The following TESC variants were observed in gnomAD, a reference collection of about 807,000 sequenced individuals.
TESC encodes tescalcin.
A neutral mutation model predicts 31.0 loss-of-function variants in TESC; 19 were observed. That is an observed-to-expected ratio of 0.61 (90% CI 0.43 to 0.90). The LOEUF (loss-of-function observed/expected upper bound fraction) is 0.90, where lower values mean the gene tolerates loss of function less well. Ranked by LOEUF, TESC falls within the 40% of genes least tolerant of loss-of-function variation. The pLI, the probability that TESC is intolerant of heterozygous loss-of-function variation, is 0.00. For synonymous variants in TESC, 109 were observed against 114.8 expected (o/e 0.95, Z 0.32); for missense variants, 248 against 303.8 (o/e 0.82, Z 1.36).
intron 1 of TESC, among the ~76,000 whole-genome samples, chr12:117,088,928 G>C (rs1444133675): frequency 6.6e-6 from 1 of 152,208 alleles, no homozygotes; most frequent in Non-Finnish European, 1.5e-5. Flanking sequence ...TGTTAGAATG[G>C]TTTCAGGCTC....
chr12:117,078,055 C>T (rs1411943936), intron 1 of TESC, among the ~76,000 whole-genome samples: 1 of 152,120 alleles, frequency 6.6e-6, no homozygotes, highest in East Asian at 1.9e-4. Flanking sequence ...TTCCACTTGG[C>T]AGGAATGTAT....
At chr12:117,050,847 C>T (rs1207716160) in intron 3 of TESC, among the ~76,000 whole-genome samples, 5 of 152,166 alleles carry the variant, frequency 3.3e-5, no homozygotes, top group Non-Finnish European at 7.3e-5. Context: ...ATCACTTGAG[C>T]CCAGGAGGCC....
chr12:117,072,979 T>G (rs1954993953), intron 2 of TESC, among the ~76,000 whole-genome samples: 1 of 152,192 alleles, frequency 6.6e-6, no homozygotes, highest in Non-Finnish European at 1.5e-5. Flanking sequence ...GGTCTTGCTA[T>G]GTTGCCCAGG....
At chr12:117,074,064 A>G (rs959385031) in intron 2 of TESC, among the ~76,000 whole-genome samples, 2 of 152,260 alleles carry the variant, frequency 1.3e-5, no homozygotes, top group South Asian at 2.1e-4. Context: ...ATCTCTACAA[A>G]AACTTTAAAA....
At chr12:117,068,704 A>G (rs1474641432) in intron 2 of TESC, among the ~76,000 whole-genome samples, 1 of 152,090 alleles carries the variant, frequency 6.6e-6, no homozygotes, top group African/African-American at 2.4e-5. Context: ...CTGTGGTTGC[A>G]TTTACCTCCG....
intron 1 of TESC, among the ~76,000 whole-genome samples, chr12:117,092,277 C>T (rs1040549314): frequency 4.6e-5 from 7 of 152,176 alleles, no homozygotes; most frequent in African/African-American, 1.7e-4. Flanking sequence ...GCTCCAGCAC[C>T]GAGCTCAGTG....
intron 1 of TESC, chr12:117,098,715 T>C (rs1955428704): frequency 6.6e-6 from 1 of 152,316 alleles, no homozygotes; most frequent in Non-Finnish European, 1.5e-5. Context: ...CCTGAACCCA[T>C]TTTACAGATG....
chr12:117,044,681 T>C (rs11068301), intron 6 of TESC, among the ~76,000 whole-genome samples: 67,852 of 152,040 alleles, frequency 0.45, 17,417 homozygotes, highest in African/African-American at 0.71. Context: ...GTGGATCACT[T>C]GAGGTCAGGA....
chr12:117,071,173 G>T (rs1012665941), intron 2 of TESC, among the ~76,000 whole-genome samples: 14 of 152,224 alleles, frequency 9.2e-5, no homozygotes, highest in African/African-American at 3.4e-4. Flanking sequence ...GCGCTGGAAA[G>T]AATTCTGCTA....
In TESC at chr12:117,048,929, C is replaced by T. The variant is rs1954606923; in HGVS notation, c.349+90G>A. The stretch of plus-strand genomic sequence containing the variant: ...GCCCCCAAGCCAATGCACACCCAGC[C>T]TCCTGCTGCAGAGGCGCCTTGCGTT... On this transcript the variant is annotated intron_variant, in intron 4 of 7. Coordinates refer to ENST00000335209, the MANE Select transcript of TESC (RefSeq NM_017899.4). 1.1e-5 allele frequency: 18 copies of T among 1,591,536 alleles called. No individual in the cohort carries two copies. The South Asian group carries it at 2.0e-4, about 18-fold the overall frequency.
At chr12:117,063,292 C>A (rs76441696) in intron 2 of TESC, among the ~76,000 whole-genome samples, 3 of 152,092 alleles carry the variant, frequency 2.0e-5, no homozygotes, top group Non-Finnish European at 4.4e-5. Context: ...CTTCCAGTTG[C>A]GCATTTTTAC....
intron 2 of TESC, among the ~76,000 whole-genome samples, chr12:117,057,393 C>T (rs1005639957): frequency 1.3e-5 from 2 of 152,150 alleles, no homozygotes; most frequent in African/African-American, 2.4e-5. Flanking sequence ...AGCCACTGGC[C>T]CGGCCTTGAG....
intron 3 of TESC, among the ~76,000 whole-genome samples, chr12:117,054,919 G>T (rs1305719932): frequency 6.6e-6 from 1 of 152,120 alleles, no homozygotes; most frequent in Non-Finnish European, 1.5e-5. Context: ...CATGGGGAGG[G>T]TATACCCACC....
In TESC at chr12:117,049,073, C is replaced by T. The variant is rs138273556; in HGVS notation, c.295G>A (p.Asp99Asn). The change falls in exon 4 of 8, where the codon GAC becomes AAC. Residue 99 changes from aspartate (D) to asparagine (N), a missense_variant. Coordinates refer to ENST00000335209, the MANE Select transcript of TESC (RefSeq NM_017899.4). ...ACCTGTTCCTCGTCCATGGTGGTGT[C>T]GATGGGCCGGAAGTAGGACATGATG... is the stretch of plus-strand genomic sequence containing the variant. ...LTIMSYFRPI[D>N]TTMDEEQVEL... is the part of the protein sequence containing the mutation. 1.3e-5 allele frequency: 21 copies of T among 1,614,192 alleles called. No homozygotes were observed. The highest frequency in any genetic ancestry group is 4.5e-5 in the East Asian group (2 of 44,888).
chr12:117,088,012 A>T (rs150198297), intron 1 of TESC, among the ~76,000 whole-genome samples: 1 of 152,164 alleles, frequency 6.6e-6, no homozygotes, highest in Non-Finnish European at 1.5e-5. Flanking sequence ...TAGATAAAGA[A>T]ACTGAGTCTC....
At chr12:117,055,795 G>A (rs1457298856) in intron 3 of TESC, among the ~76,000 whole-genome samples, 1 of 152,196 alleles carries the variant, frequency 6.6e-6, no homozygotes, top group Non-Finnish European at 1.5e-5. Flanking sequence ...CTCAGCCCCA[G>A]CTAATGCCTT....
intron 2 of TESC, among the ~76,000 whole-genome samples, chr12:117,058,774 C>T (rs1954764693): frequency 6.8e-6 from 1 of 147,350 alleles, no homozygotes; most frequent in Admixed American, 6.7e-5. Context: ...GCAAAAAAAG[C>T]TTGGCTGGGG....
At chr12:117,095,507 A>G (rs980168854) in intron 1 of TESC, among the ~76,000 whole-genome samples, 2 of 152,164 alleles carry the variant, frequency 1.3e-5, no homozygotes, top group Non-Finnish European at 2.9e-5. Context: ...AAAATACGGG[A>G]GTCTTTTCCT....
At chr12:117,082,984 T>A (rs1213414432) in intron 1 of TESC, among the ~76,000 whole-genome samples, 1 of 152,208 alleles carries the variant, frequency 6.6e-6, no homozygotes, top group African/African-American at 2.4e-5. Context: ...CATACATTAC[T>A]AGCGAGGATT....
Sources: allele counts gnomAD v4.1 joint callset (sites outside exome capture counted in the v4.1 genomes callset), GRCh38; gene constraint gnomAD v4.1.1; transcripts MANE v1.5; gene names NCBI Gene and HGNC (gene_info 2026-07-23, HGNC 2026-07-21).